ANXA11: variants seen among roughly 807,000 people sequenced by gnomAD.
The protein encoded by ANXA11 is 56 kDa autoantigen.
Under a neutral mutation model 64.7 loss-of-function variants are expected in ANXA11, and 57 were observed. The ratio of observed to expected loss-of-function variants is 0.88; its 90% CI spans 0.71 to 1.10. The LOEUF is 1.10. ANXA11 is among the 50% of genes least tolerant of loss of function. The pLI is 0.00. For synonymous variants in ANXA11, 260 were observed against 265.2 expected, an observed-to-expected ratio of 0.98 and a Z score of 0.19; for missense variants, 675 against 670.7, an observed-to-expected ratio of 1.01 and a Z score of -0.07.
At chr10:80,194,150 C>T (rs1390325569) in intron 1 of ANXA11, among the ~76,000 whole-genome samples, 1 of 152,150 alleles carries the variant, frequency 6.6e-6, no homozygotes, top group Non-Finnish European at 1.5e-5. Context: ...TGCAGTAGGT[C>T]CAGGTTTTGT....
chr10:80,200,159 T>A (rs141657772), intron 1 of ANXA11, among the ~76,000 whole-genome samples: 99 of 152,282 alleles, frequency 6.5e-4, no homozygotes, highest in African/African-American at 2.2e-3. Flanking sequence ...AATCTGGCTA[T>A]CATGGGAACC....
chr10:80,164,775 G>A (rs1004578182), intron 8 of ANXA11, among the ~76,000 whole-genome samples: 2 of 152,202 alleles, frequency 1.3e-5, no homozygotes, highest in Non-Finnish European at 2.9e-5. Context: ...TTCCTTGTCT[G>A]TAAGATGGGA....
chr10:80,155,935 C>T, intron 15 of ANXA11, 23 bp from the exon 16 acceptor site: 1 of 1,611,574 alleles, frequency 6.2e-7, no homozygotes, highest in Non-Finnish European at 8.5e-7. Flanking sequence ...ACAAGGAAGA[C>T]ATCCGTTAAG....
chr10:80,167,708 A>C (rs1187264620), intron 5 of ANXA11, among the ~76,000 whole-genome samples: 1 of 152,162 alleles, frequency 6.6e-6, no homozygotes, highest in Non-Finnish European at 1.5e-5. Context: ...GGGTACTCCT[A>C]ACAGGGCTGG....
intron 3 of ANXA11, chr10:80,171,651 T>C: frequency 1.0e-6 from 1 of 985,558 alleles, no homozygotes; most frequent in East Asian, 1.1e-4. Flanking sequence ...GCATTCGACA[T>C]CATCATGGGG....
chr10:80,196,216 G>A (rs1008346328), intron 1 of ANXA11, among the ~76,000 whole-genome samples: 1 of 152,272 alleles, frequency 6.6e-6, no homozygotes, highest in Non-Finnish European at 1.5e-5. Context: ...GCAAGGGAAC[G>A]AAGGCTGAGC....
chr10:80,155,754 G>A lies in ANXA11; in HGVS notation c.*99C>T. On this transcript the variant is annotated 3_prime_UTR_variant, in exon 16 of 16. Transcript: ENST00000422982. ...CCTAAGCTCTAGGACGGTGAATCTC[G>A]GGGCTATTTGTGGATTTGTTAGAAA... 5 of 1,176,604 alleles carry A rather than the reference G, an allele frequency of 4.2e-6. 1 individual carries two copies. Among genetic ancestry groups the A allele is most frequent in the South Asian group, 3.8e-5 (3 of 78,666 alleles). 72.9% of individuals were successfully genotyped at this position (1,176,604 alleles called of 1,614,324 possible). A position where few individuals can be genotyped will look rare whatever the true frequency, so the allele number is the denominator to read the frequency against.
In ANXA11 at chr10:80,166,382, T is replaced by C. The variant is rs1325084128; in HGVS notation, c.745-185A>G. 5.4e-6 allele frequency: 3 copies of C among 558,306 alleles called. No individual in the cohort carries two copies. In the African/African-American group the frequency reaches 5.7e-5, roughly 11 times the overall value. 34.6% of individuals were successfully genotyped at this position (558,306 alleles called of 1,614,324 possible). A position where few individuals can be genotyped will look rare whatever the true frequency, so the allele number is the denominator to read the frequency against. On this transcript the variant is annotated intron_variant, in intron 7 of 15. Coordinates refer to ENST00000422982, the MANE Select transcript of ANXA11 (RefSeq NM_145868.2). ...CAAACCTCCCAAATCAGAGACCACA[T>C]TTTACCAAGATGCCCAGGGGATCGG...
chr10:80,170,827 C>T lies in ANXA11; in HGVS notation c.144G>A (p.Gln48=), dbSNP rs1845941230. The change falls in exon 4 of 16, where the codon CAG becomes CAA. Residue 48 remains glutamine, a synonymous_variant. Transcript: ENST00000422982. ...TTCCCGAGAGATAGTCCTGGTTGAA[C>T]TGCCCCGCATAGGTGGCCACGTTAT... The part of the protein sequence containing the change: ...GLDNVATYAG[Q]FNQDYLSGMA... 2.0e-6 allele frequency: 3 copies of T among 1,491,120 alleles called. No individual in the cohort carries two copies. The highest frequency in any genetic ancestry group is 2.7e-6 in the Non-Finnish European group (3 of 1,121,160). 92.4% of individuals were successfully genotyped at this position (1,491,120 alleles called of 1,614,324 possible).
chr10:80,163,676 AAC>A (rs1845612997), intron 9 of ANXA11, 63 bp from the exon 10 acceptor site: 1 of 1,450,566 alleles, frequency 6.9e-7, no homozygotes, highest in Non-Finnish European at 9.5e-7. Context: ...CCCATTGCAA[AAC>A]ACTATCAAAA....
chr10:80,174,769 G>T (rs1429090613), intron 2 of ANXA11, among the ~76,000 whole-genome samples: 2 of 152,160 alleles, frequency 1.3e-5, no homozygotes, highest in African/African-American at 4.8e-5. Flanking sequence ...TGTTGGCCAG[G>T]CTGGTCTGAA....
chr10:80,157,877 G>T, intron 14 of ANXA11, 90 bp downstream of exon 14: 2 of 1,589,492 alleles, frequency 1.3e-6, no homozygotes, highest in Non-Finnish European at 1.7e-6. Flanking sequence ...CTGAGATTTA[G>T]CTCTCCCCAG....
At chr10:80,190,052 C>T (rs1248831536) in intron 1 of ANXA11, among the ~76,000 whole-genome samples, 1 of 152,244 alleles carries the variant, frequency 6.6e-6, no homozygotes, top group Admixed American at 6.5e-5. Flanking sequence ...TATATGAAGT[C>T]TCCAAAGGAG....
At chr10:80,165,998 T>C in intron 8 of ANXA11, 86 bp downstream of exon 8, 2 of 793,760 alleles carry the variant, frequency 2.5e-6, no homozygotes, top group Non-Finnish European at 4.1e-6. Flanking sequence ...GGCCTCCTTC[T>C]GGGCTGTGTG....
chr10:80,203,826 GAGCATGAGCTT>G (rs1239199337), intron 1 of ANXA11, among the ~76,000 whole-genome samples: 1 of 152,234 alleles, frequency 6.6e-6, no homozygotes, highest in Non-Finnish European at 1.5e-5. Flanking sequence ...GTAAGACAGA[GAGCATGAGCTT>G]AGCATGAGCT....
upstream of ANXA11, chr10:80,205,684 G>A (rs1840651270): frequency 6.6e-6 from 1 of 152,166 alleles, no homozygotes; most frequent in Non-Finnish European, 1.5e-5. Flanking sequence ...GGAAGTCTCG[G>A]GCTCCGGAGG....
In ANXA11 at chr10:80,166,226, CAA is replaced by C. The variant is rs61537094; in HGVS notation, c.745-31_745-30del. ...ATTGGATATTCAAACAAACAACCAA[CAA>C]AAAAAAAAACAAGTCTATTTAAAAA... is the stretch of plus-strand genomic sequence containing the variant. On this transcript the variant is annotated intron_variant, in intron 7 of 15. Transcript: ENST00000422982. 1,304 of 1,046,528 alleles carry C rather than the reference CAA, an allele frequency of 1.2e-3. 1 individual carries two copies. Among genetic ancestry groups the C allele is most frequent in the Non-Finnish European group, 1.6e-3 (1,195 of 733,274 alleles). 64.8% of individuals were successfully genotyped at this position (1,046,528 alleles called of 1,614,324 possible).
intron 8 of ANXA11, 48 bp downstream of exon 8, chr10:80,166,036 A>ATGCG (rs1554831665): frequency 3.1e-6 from 3 of 973,406 alleles, no homozygotes; most frequent in African/African-American, 1.9e-5. Context: ...GTGCGCACAC[A>ATGCG]CGCGCGCACA....
In ANXA11 at chr10:80,169,060, G is replaced by A; in HGVS notation, c.470C>T (p.Pro157Leu). The change falls in exon 5 of 16, where the codon CCA becomes CTA. Residue 157 changes from proline (P) to leucine (L), a missense_variant. By Grantham distance (98) the Pro-to-Leu change is moderately conservative. Transcript: ENST00000422982. ...CTGCTGCTGCCCAGGGAGTGGCACT[G>A]GAGGCTGACCAGGGTAGGTCACTGG... ...QPPVTYPGQPPVPLPGQQQPV... is the reference protein window; with the variant it reads ...QPPVTYPGQPLVPLPGQQQPV... 1 of 1,540,262 alleles carries A rather than the reference G, an allele frequency of 6.5e-7. No homozygotes were observed.
Sources: gnomAD v4.1 joint callset for allele counts (sites outside exome capture counted in the v4.1 genomes callset) on GRCh38, gnomAD v4.1.1 for gene constraint, MANE v1.5 for transcripts, NCBI Gene and HGNC (gene_info 2026-07-23, HGNC 2026-07-21) for gene names.